Variants in ST3GAL3 observed in about 807,000 individuals in gnomAD.
ST3GAL3 encodes CMP-N-acetylneuraminate-beta-1,4-galactoside alpha-2,3-sialyltransferase.
In ST3GAL3, 21 loss-of-function variants were observed where a neutral mutation model predicts 50.1. The ratio of observed to expected loss-of-function variants is 0.42; its 90% confidence interval spans 0.30 to 0.60. The LOEUF (loss-of-function observed/expected upper bound fraction) is 0.60, where lower values mean the gene tolerates loss of function less well. Among genes scored for constraint, ST3GAL3 ranks in the 20% least tolerant of loss-of-function variants. The pLI is 0.19. For missense variants in ST3GAL3, 353 were observed against 489.4 expected (o/e 0.72, Z 2.63); for synonymous variants, 183 against 190.0 (o/e 0.96, Z 0.30).
In ST3GAL3 at chr1:43,736,274, G is replaced by C; in HGVS notation, c.12G>C (p.Leu4Phe). The change falls in exon 2 of 12, where the codon TTG (leucine) becomes TTC (phenylalanine). Residue 4 changes from leucine to phenylalanine, a missense_variant. Transcript: ENST00000347631. Reference sequence around the variant, plus strand: ...TAAATCATGTGAAGATGGGACTCTTGGTATTTGTGCGCAATCTGCTGCTAG... The same window carrying C: ...TAAATCATGTGAAGATGGGACTCTTCGTATTTGTGCGCAATCTGCTGCTAG... Reference protein sequence around the residue: MGLLVFVRNLLLAL... With the variant: MGLFVFVRNLLLAL... 1 of 1,614,114 alleles carries C rather than the reference G, an allele frequency of 6.2e-7. No homozygotes were observed. Among genetic ancestry groups the C allele is most frequent in the South Asian group, 1.1e-5 (1 of 91,082 alleles).
chr1:43,821,662 G>A (rs1393108634), intron 4 of ST3GAL3, among the ~76,000 whole-genome samples: 1 of 152,148 alleles, frequency 6.6e-6, no homozygotes, highest in Non-Finnish European at 1.5e-5. Context: ...CAGCCTTGTG[G>A]TTGCCTGAGA....
intron 2 of ST3GAL3, among the ~76,000 whole-genome samples, chr1:43,785,422 G>A (rs1023253594): frequency 1.3e-5 from 2 of 152,182 alleles, no homozygotes; most frequent in Non-Finnish European, 1.5e-5. Flanking sequence ...AGGTGAGGCC[G>A]CTCAGACTGC....
At chr1:43,887,258 AG>A (rs2076118158) in intron 5 of ST3GAL3, among the ~76,000 whole-genome samples, 1 of 152,212 alleles carries the variant, frequency 6.6e-6, no homozygotes, top group African/African-American at 2.4e-5. Context: ...CAAGTATAAA[AG>A]GTACAACAGT....
At chr1:43,825,236 G>A (rs1373363330) in intron 4 of ST3GAL3, among the ~76,000 whole-genome samples, 2 of 152,134 alleles carry the variant, frequency 1.3e-5, no homozygotes, top group African/African-American at 4.8e-5. Flanking sequence ...ATTATGTTAG[G>A]GTAGTGGAAT....
At chr1:43,847,135 C>T (rs2154209036) in intron 5 of ST3GAL3, among the ~76,000 whole-genome samples, 1 of 152,234 alleles carries the variant, frequency 6.6e-6, no homozygotes, top group Admixed American at 6.5e-5. Flanking sequence ...GGCTATTATC[C>T]CAAAACCAGA....
At chr1:43,808,658 A>G (rs142054460) in intron 3 of ST3GAL3, among the ~76,000 whole-genome samples, 106 of 152,272 alleles carry the variant, frequency 7.0e-4, no homozygotes, top group African/African-American at 2.5e-3. Flanking sequence ...GTAACAGTTG[A>G]GCATTTGAGG....
chr1:43,835,392 G>A (rs1451945164), intron 4 of ST3GAL3, among the ~76,000 whole-genome samples: 1 of 152,088 alleles, frequency 6.6e-6, no homozygotes. Context: ...CATTTCTAAG[G>A]CATTTTAATT....
At chr1:43,767,686 G>T in intron 2 of ST3GAL3, among the ~76,000 whole-genome samples, 1 of 125,244 alleles carries the variant, frequency 8.0e-6, no homozygotes, top group African/African-American at 2.9e-5. Flanking sequence ...GGGTGGGGGG[G>T]TAGGGGAAGG....
intron 4 of ST3GAL3, among the ~76,000 whole-genome samples, chr1:43,832,371 A>G (rs890613717): frequency 6.6e-6 from 1 of 152,232 alleles, no homozygotes; most frequent in African/African-American, 2.4e-5. Context: ...CAGATCAAGC[A>G]GTCCCTTTTT....
chr1:43,844,338 C>G (rs2065882575), intron 5 of ST3GAL3, among the ~76,000 whole-genome samples: 3 of 152,182 alleles, frequency 2.0e-5, no homozygotes, highest in Non-Finnish European at 4.4e-5. Context: ...AGTTGGTTCC[C>G]CTGCCAACCA....
intron 4 of ST3GAL3, among the ~76,000 whole-genome samples, chr1:43,834,471 C>T (rs565387800): frequency 6.6e-6 from 1 of 152,192 alleles, no homozygotes; most frequent in Admixed American, 6.5e-5. Context: ...GTGGTGACCT[C>T]CCTGTTGCCG....
chr1:43,802,386 G>A (rs1037079974), intron 3 of ST3GAL3, among the ~76,000 whole-genome samples: 2 of 152,192 alleles, frequency 1.3e-5, no homozygotes, highest in Non-Finnish European at 2.9e-5. Context: ...AATTTCTTCA[G>A]TTAGAACAAA....
chr1:43,851,627 A>G (rs1328233936), intron 5 of ST3GAL3: 2 of 1,288,770 alleles, frequency 1.6e-6, no homozygotes, highest in Non-Finnish European at 2.3e-6. Flanking sequence ...CTCCTTAATG[A>G]TGTTGTAAAC....
In ST3GAL3 at chr1:43,708,988, G is replaced by C. The variant is rs538031030; in HGVS notation, c.-31+1295G>C. Among the ~76,000 whole-genome samples, 5 of 152,336 alleles carry C rather than the reference G, an allele frequency of 3.3e-5. No homozygotes were observed. In the South Asian group the frequency reaches 6.2e-4, roughly 19 times the overall value. The stretch of plus-strand genomic sequence containing the variant: ...AAGCACACACATGACAATGATAACT[G>C]TGATATGGTCTCTAGAATTCCAAGA... On this transcript the variant is annotated intron_variant, in intron 1 of 11. Coordinates refer to ENST00000347631, the MANE Select transcript of ST3GAL3 (RefSeq NM_006279.5).
chr1:43,907,055 C>G (rs1476867690), intron 9 of ST3GAL3, among the ~76,000 whole-genome samples: 1 of 152,208 alleles, frequency 6.6e-6, no homozygotes, highest in Non-Finnish European at 1.5e-5. Flanking sequence ...GTAAGAACTA[C>G]TGTTAACTCT....
chr1:43,854,339 CAGAT>C (rs971084619), intron 5 of ST3GAL3, among the ~76,000 whole-genome samples: 44 of 152,182 alleles, frequency 2.9e-4, no homozygotes, highest in African/African-American at 1.0e-3. Flanking sequence ...ACAAATCCGA[CAGAT>C]AGATAGTCTT....
intron 5 of ST3GAL3, among the ~76,000 whole-genome samples, chr1:43,862,317 C>G (rs1274185838): frequency 6.6e-6 from 1 of 152,224 alleles, no homozygotes; most frequent in Non-Finnish European, 1.5e-5. Flanking sequence ...CTGTGTGCAC[C>G]TCTATCTGTA....
intron 1 of ST3GAL3, among the ~76,000 whole-genome samples, chr1:43,717,935 T>C (rs1187622900): frequency 6.6e-6 from 1 of 152,042 alleles, no homozygotes; most frequent in Non-Finnish European, 1.5e-5. Context: ...TGCAATGGCA[T>C]GACCTTGGCT....
chr1:43,719,887 C>G (rs1037414190), intron 1 of ST3GAL3, among the ~76,000 whole-genome samples: 1 of 124,908 alleles, frequency 8.0e-6, no homozygotes, highest in Non-Finnish European at 1.6e-5. Flanking sequence ...GAGCCGAGAT[C>G]ATGCCACTGC....
Sources: gnomAD v4.1 joint callset for allele counts (sites outside exome capture counted in the v4.1 genomes callset) on GRCh38, gnomAD v4.1.1 for gene constraint, MANE v1.5 for transcripts, NCBI Gene and HGNC (gene_info 2026-07-23, HGNC 2026-07-21) for gene names.